Variants in IL6R observed in about 807,000 individuals in gnomAD.
IL6R encodes the protein interleukin 6 receptor, also known as interleukin-6 receptor subunit alpha.
A neutral mutation model predicts 48.3 loss-of-function variants in IL6R; 38 were observed. That is an observed-to-expected ratio of 0.79 (90% CI 0.61 to 1.03). The LOEUF is 1.03. IL6R is among the 50% of genes least tolerant of loss of function. IL6R has a pLI of 0.00. For missense variants in IL6R, 534 were observed against 618.3 expected, an observed-to-expected ratio of 0.86 and a Z score of 1.45; for synonymous variants, 264 against 256.2, an observed-to-expected ratio of 1.03 and a Z score of -0.29.
At chr1:154,448,491 C>A (rs1462733318) in intron 7 of IL6R, among the ~76,000 whole-genome samples, 1 of 152,208 alleles carries the variant, frequency 6.6e-6, no homozygotes. Flanking sequence ...GCATCCTTCC[C>A]CTGTGGACTC....
rs1421738109 is a variant in IL6R, at chr1:154,449,923, A to G, written c.1009A>G (p.Asn337Asp). 6.2e-7 allele frequency: 1 copy of G among 1,606,676 alleles called. No individual in the cohort carries two copies. The highest frequency in any genetic ancestry group is 8.5e-7 in the Non-Finnish European group (1 of 1,173,264). The change falls in exon 8 of 10, where the codon AAT (asparagine) becomes GAT (aspartate). Residue 337 changes from asparagine (N) to aspartate (D), a missense_variant. Coordinates refer to ENST00000368485, the MANE Select transcript of IL6R (RefSeq NM_000565.4). ...ATGTCTCTTTTAGGCACTTACTACT[A>G]ATAAAGACGATGATAATATTCTCTT... ...VSTPMQALTT[N>D]KDDDNILFRD...
intron 1 of IL6R, among the ~76,000 whole-genome samples, chr1:154,419,864 T>A (rs1025891117): frequency 7.9e-5 from 12 of 152,226 alleles, no homozygotes; most frequent in Non-Finnish European, 1.5e-5. Flanking sequence ...AACAAAGCTG[T>A]TTGGATTCCT....
chr1:154,427,671 C>T (rs1013793725), intron 1 of IL6R, among the ~76,000 whole-genome samples: 5 of 152,072 alleles, frequency 3.3e-5, no homozygotes, highest in African/African-American at 1.2e-4. Flanking sequence ...GAGCTGTCTC[C>T]GCCCCTTTGA....
intron 8 of IL6R, among the ~76,000 whole-genome samples, chr1:154,451,584 C>T (rs971825589): frequency 2.6e-5 from 4 of 152,122 alleles, no homozygotes; most frequent in African/African-American, 9.7e-5. Flanking sequence ...CAGTCCTCTT[C>T]GTCCACCCTC....
chr1:154,442,196 C>CACTGTAGTATGTCTAATACTAT, intron 6 of IL6R, among the ~76,000 whole-genome samples: 1 of 152,136 alleles, frequency 6.6e-6, no homozygotes, highest in South Asian at 2.1e-4. Flanking sequence ...GTGCGTGCCC[C>CACTGTAGTATGTCTAATACTAT]ACTGTAGTAT....
intron 1 of IL6R, among the ~76,000 whole-genome samples, chr1:154,420,852 T>G (rs1047805835): frequency 2.6e-5 from 4 of 152,088 alleles, no homozygotes; most frequent in Non-Finnish European, 5.9e-5. Flanking sequence ...TACTTTATAT[T>G]AAAGAACAAA....
chr1:154,432,701 T>C (rs1469058383), intron 3 of IL6R, among the ~76,000 whole-genome samples: 1 of 151,744 alleles, frequency 6.6e-6, no homozygotes, highest in Non-Finnish European at 1.5e-5. Flanking sequence ...TGGGAGAGAG[T>C]ACAGTGCTTG....
At chr1:154,434,414 C>G in intron 3 of IL6R, 105 bp from the exon 4 acceptor site, 1 of 925,556 alleles carries the variant, frequency 1.1e-6, no homozygotes, top group Non-Finnish European at 1.7e-6. Flanking sequence ...GCTTATAAGT[C>G]TGGAGCTGGG....
intron 9 of IL6R, among the ~76,000 whole-genome samples, chr1:154,459,715 A>G (rs1440947161): frequency 6.6e-6 from 1 of 152,140 alleles, no homozygotes; most frequent in Admixed American, 6.6e-5. Flanking sequence ...GCCATCTTAC[A>G]GGGGCCAATT....
chr1:154,429,458 CAG>C lies in IL6R; in HGVS notation c.334+17_334+18del. On this transcript the variant is annotated intron_variant, in intron 2 of 9. Coordinates refer to ENST00000368485, the MANE Select transcript of IL6R (RefSeq NM_000565.4). ...TGCTGGTGGATGGTGAGTTGTGCCT[CAG>C]AGGTCCCGGAGATAGTTCCCGTAAG... 7 of 1,600,682 alleles carry C rather than the reference CAG, an allele frequency of 4.4e-6. No homozygotes were observed. Among genetic ancestry groups the C allele is most frequent in the Non-Finnish European group, 6.0e-6 (7 of 1,169,376 alleles).
In IL6R at chr1:154,465,867, T is replaced by C. The variant is rs544308264; in HGVS notation, c.*487T>C. On this transcript the variant is annotated 3_prime_UTR_variant, in exon 10 of 10. Transcript: ENST00000368485. ...TCAAACTCTTAAAACCCAAGTGCCT[T>C]AGCAAATTCTGTTTTTCTAGGCCTG... The C allele has an allele frequency of 1.1e-4, 17 of 157,798 alleles. No individual in the cohort carries two copies. The South Asian group carries it at 2.6e-3, about 24-fold the overall frequency. The allele number at this position is 157,798 out of a possible 1,614,324, so 9.8% of individuals were successfully genotyped here. A position where few individuals can be genotyped will look rare whatever the true frequency, so the allele number is the denominator to read the frequency against.
chr1:154,439,346 G>T (rs945608200), intron 6 of IL6R, among the ~76,000 whole-genome samples: 1 of 152,004 alleles, frequency 6.6e-6, no homozygotes, highest in African/African-American at 2.4e-5. Context: ...ACGGAGTCTC[G>T]CTCTGTCGCC....
chr1:154,447,756 C>T (rs1690354335), intron 6 of IL6R, among the ~76,000 whole-genome samples: 1 of 148,442 alleles, frequency 6.7e-6, no homozygotes, highest in Non-Finnish European at 1.5e-5. Flanking sequence ...CTCTTATTGC[C>T]CATGCTGGAG....
chr1:154,451,140 G>C (rs950053523), intron 8 of IL6R, among the ~76,000 whole-genome samples: 6 of 152,352 alleles, frequency 3.9e-5, no homozygotes, highest in Middle Eastern at 3.4e-3. Flanking sequence ...ATCAAGCTGA[G>C]CAGTCACAGA....
intron 9 of IL6R, among the ~76,000 whole-genome samples, chr1:154,461,280 T>C (rs1277422706): frequency 6.6e-6 from 1 of 151,656 alleles, no homozygotes; most frequent in Non-Finnish European, 1.5e-5. Context: ...CAGGGAGGGG[T>C]TTAGGCCTCT....
At chr1:154,429,552 G>A (rs942306855) in intron 2 of IL6R, 108 bp downstream of exon 2, 20 of 1,368,046 alleles carry the variant, frequency 1.5e-5, no homozygotes, top group African/African-American at 1.4e-4. Context: ...TTTCCTTGGC[G>A]CAAGAATTTT....
At position 154,412,575 on chromosome 1, in the gene IL6R, A is replaced by G. The variant is rs559732525; in HGVS notation, c.85+6861A>G. The stretch of plus-strand genomic sequence containing the variant: ...GCCCGGCCTTTAAAAGCCTATTTTG[A>G]TGGGAGGAGGGGGATGCTATAATGT... On this transcript the variant is annotated intron_variant, in intron 1 of 9. Coordinates refer to ENST00000368485, the MANE Select transcript of IL6R (RefSeq NM_000565.4). 5.9e-5 allele frequency among the ~76,000 whole-genome samples: 9 copies of G among 152,266 alleles called. No homozygotes were observed. In the South Asian group the frequency reaches 1.9e-3, roughly 32 times the overall value.
rs142954000 is a variant in IL6R, at chr1:154,456,332, A to T, written c.1160+1751A>T. 2.3e-4 allele frequency among the ~76,000 whole-genome samples: 34 copies of T among 151,074 alleles called. 1 individual carries two copies. The highest frequency in any genetic ancestry group is 7.5e-4 in the African/African-American group (31 of 41,130). ...GCGATTCTTGTGCCTCAGCCTCCTGAGTAGCTGGGATTGCAGGTGAATGTC... is the reference window on the plus strand; with the variant it reads ...GCGATTCTTGTGCCTCAGCCTCCTGTGTAGCTGGGATTGCAGGTGAATGTC... On this transcript the variant is annotated intron_variant, in intron 9 of 9. Coordinates refer to ENST00000368485, the MANE Select transcript of IL6R (RefSeq NM_000565.4).
intron 1 of IL6R, among the ~76,000 whole-genome samples, chr1:154,425,086 GATAAC>G (rs1349509960): frequency 6.6e-6 from 1 of 152,204 alleles, no homozygotes; most frequent in East Asian, 1.9e-4. Context: ...ATAATCTATA[GATAAC>G]ATAACCGATT....
Sources: allele counts gnomAD v4.1 joint callset (sites outside exome capture counted in the v4.1 genomes callset), GRCh38; gene constraint gnomAD v4.1.1; transcripts MANE v1.5; gene names NCBI Gene and HGNC (gene_info 2026-07-23, HGNC 2026-07-21).